The following IBTK variants were observed in gnomAD, a reference collection of about 807,000 sequenced individuals.
The protein encoded by IBTK is BTK-binding protein.
Under a neutral mutation model 154.9 loss-of-function variants are expected in IBTK, and 83 were observed. The observed-to-expected ratio is 0.54, with a 90% CI of 0.45 to 0.64. IBTK has a LOEUF of 0.64. Ranked by LOEUF, IBTK falls within the 30% of genes least tolerant of loss-of-function variation. The pLI is 0.00. For synonymous variants in IBTK, 515 were observed against 536.1 expected, an observed-to-expected ratio of 0.96 and a Z score of 0.54; for missense variants, 1,332 against 1,584.6, an observed-to-expected ratio of 0.84 and a Z score of 2.71.
intron 9 of IBTK, among the ~76,000 whole-genome samples, chr6:82,218,419 G>A (rs973480720): frequency 2.0e-5 from 3 of 152,060 alleles, no homozygotes; most frequent in African/African-American, 7.2e-5. Context: ...TACCTGTTTA[G>A]GGCAAACAGA....
chr6:82,247,060 A>AC (rs111866731), intron 1 of IBTK, among the ~76,000 whole-genome samples: 26,241 of 151,794 alleles, frequency 0.17, 2,557 homozygotes, highest in East Asian at 0.29. Context: ...GTCTCTCTCA[A>AC]CCCTCCACCC....
intron 18 of IBTK, among the ~76,000 whole-genome samples, chr6:82,201,733 C>CT (rs1769219002): frequency 6.9e-6 from 1 of 145,012 alleles, no homozygotes; most frequent in South Asian, 2.2e-4. Context: ...TTTTTTTTTT[C>CT]TTTTTTTGAG....
intron 6 of IBTK, among the ~76,000 whole-genome samples, chr6:82,225,237 G>T (rs1770250052): frequency 6.6e-6 from 1 of 151,956 alleles, no homozygotes; most frequent in African/African-American, 2.4e-5. Context: ...TTGAACCCGA[G>T]GGGCAGAGGT....
chr6:82,220,603 T>C lies in IBTK; in HGVS notation c.1235A>G (p.Asp412Gly). The C allele has an allele frequency of 1.2e-6, 2 of 1,611,434 alleles. No individual in the cohort carries two copies. Among genetic ancestry groups the C allele is most frequent in the Non-Finnish European group, 1.7e-6 (2 of 1,179,202 alleles). The change falls in exon 9 of 29, where the codon GAT becomes GGT. Residue 412 changes from aspartate to glycine, a missense_variant. Coordinates refer to ENST00000306270, the MANE Select transcript of IBTK (RefSeq NM_015525.4). ...ACATGTACTTACCCTTCCAGCTCCA[T>C]CCATTGCAAGAATGCAAATTTTTTG... ...GGQKICILAM[D>G]GAGRVFCWRS...
intron 27 of IBTK, chr6:82,173,088 G>A (rs1042695640): frequency 4.3e-6 from 1 of 234,766 alleles, no homozygotes; most frequent in Non-Finnish European, 8.0e-6. Context: ...TGCAATCTCT[G>A]CCTCCCAGGT....
intron 1 of IBTK, 146 bp from the exon 2 acceptor site, chr6:82,240,989 G>T (rs919858226): frequency 2.5e-6 from 1 of 394,574 alleles, no homozygotes; most frequent in Non-Finnish European, 4.5e-6. Flanking sequence ...AAGCTTACGG[G>T]AGTTATTTAT....
In IBTK at chr6:82,210,534, A is replaced by G. The variant is rs564387193; in HGVS notation, c.2509+280T>C. 7.5e-4 allele frequency: 119 copies of G among 158,916 alleles called. 1 individual carries two copies. The highest frequency in any genetic ancestry group is 3.6e-3 in the South Asian group (18 of 4,962). 9.8% of individuals were successfully genotyped at this position (158,916 alleles called of 1,614,324 possible). A position where few individuals can be genotyped will look rare whatever the true frequency, so the allele number is the denominator to read the frequency against. On this transcript the variant is annotated intron_variant, in intron 16 of 28. Transcript: ENST00000306270. ...CATTCCTATTGCTTATTCTAAATTA[A>G]GCCTTTATTGGCCAGGCATAGTGGC... is the stretch of plus-strand genomic sequence containing the variant.
chr6:82,191,966 T>C (rs146406608), intron 23 of IBTK, 87 bp from the exon 24 acceptor site: 4 of 676,848 alleles, frequency 5.9e-6, no homozygotes, highest in African/African-American at 3.6e-5. Context: ...AAGTGATATG[T>C]GAGATTAATA....
At chr6:82,177,751 T>C (rs2127797503) in intron 26 of IBTK, among the ~76,000 whole-genome samples, 1 of 152,216 alleles carries the variant, frequency 6.6e-6, no homozygotes, top group South Asian at 2.1e-4. Flanking sequence ...GGTTTCCCCA[T>C]GTTGGCCAGG....
intron 26 of IBTK, among the ~76,000 whole-genome samples, chr6:82,176,668 C>A (rs1231384875): frequency 2.0e-5 from 3 of 151,630 alleles, no homozygotes; most frequent in African/African-American, 7.3e-5. Context: ...AAAAATTGTA[C>A]AAATTGCTCA....
chr6:82,246,658 A>G (rs1489646141), intron 1 of IBTK, among the ~76,000 whole-genome samples: 1 of 152,140 alleles, frequency 6.6e-6, no homozygotes, highest in Non-Finnish European at 1.5e-5. Flanking sequence ...AAATATTTGC[A>G]AATGTAATTA....
intron 5 of IBTK, 71 bp from the exon 6 acceptor site, chr6:82,225,718 T>C: frequency 9.0e-7 from 1 of 1,109,622 alleles, no homozygotes; most frequent in Non-Finnish European, 1.3e-6. Flanking sequence ...AATTTGATGA[T>C]ACTACATCTA....
intron 25 of IBTK, among the ~76,000 whole-genome samples, chr6:82,187,072 T>C (rs954672022): frequency 7.9e-5 from 12 of 152,118 alleles, no homozygotes; most frequent in African/African-American, 2.9e-4. Context: ...TGCAACACCA[T>C]GCTCAGCTAA....
At chr6:82,223,999 T>C in intron 7 of IBTK, 69 bp downstream of exon 7, 1 of 900,212 alleles carries the variant, frequency 1.1e-6, no homozygotes, top group Non-Finnish European at 1.8e-6. Flanking sequence ...CAATAAAAAT[T>C]AAAAAGAAAA....
intron 16 of IBTK, among the ~76,000 whole-genome samples, chr6:82,207,088 G>C (rs1482592495): frequency 2.0e-5 from 3 of 151,960 alleles, no homozygotes; most frequent in Non-Finnish European, 4.4e-5. Flanking sequence ...TCTAATCAGG[G>C]CAATTAAGCA....
chr6:82,192,443 T>G (rs1008710187), intron 23 of IBTK, among the ~76,000 whole-genome samples: 6 of 152,058 alleles, frequency 3.9e-5, no homozygotes, highest in Non-Finnish European at 8.8e-5. Flanking sequence ...AATTCTACAA[T>G]CATTAGAAAT....
intron 13 of IBTK, 102 bp from the exon 14 acceptor site, chr6:82,211,674 C>G: frequency 1.2e-6 from 1 of 847,130 alleles, no homozygotes; most frequent in Non-Finnish European, 1.9e-6. Flanking sequence ...TTAAAGGTGG[C>G]AGAGAATAAA....
intron 21 of IBTK, among the ~76,000 whole-genome samples, chr6:82,198,209 C>T (rs2127806430): frequency 6.6e-6 from 1 of 152,242 alleles, no homozygotes; most frequent in East Asian, 1.9e-4. Flanking sequence ...AACCAAATAT[C>T]TGCTTTTCCA....
chr6:82,220,201 C>T (rs895104113), intron 9 of IBTK, among the ~76,000 whole-genome samples: 13 of 152,022 alleles, frequency 8.6e-5, no homozygotes, highest in Non-Finnish European at 1.6e-4. Flanking sequence ...TAGAGCGAGA[C>T]TGTCTCAAAA....
Sources: allele counts gnomAD v4.1 joint callset (sites outside exome capture counted in the v4.1 genomes callset), GRCh38; gene constraint gnomAD v4.1.1; transcripts MANE v1.5; gene names NCBI Gene and HGNC (gene_info 2026-07-23, HGNC 2026-07-21).